The following BCL2L15 variants were observed in gnomAD, a reference collection of about 807,000 sequenced individuals.
The protein encoded by BCL2L15 is BCL2 like 15, also known as bcl-2-like protein 15.
Under a neutral mutation model 18.3 loss-of-function variants are expected in BCL2L15, and 15 were observed. The ratio of observed to expected loss-of-function variants is 0.82; its 90% CI spans 0.55 to 1.26. The LOEUF (loss-of-function observed/expected upper bound fraction) is 1.26. BCL2L15 is among the 50% of genes most tolerant of loss of function. The pLI, the probability that BCL2L15 is intolerant of heterozygous loss-of-function variation, is 0.00. For synonymous variants in BCL2L15, 58 were observed against 68.5 expected (o/e 0.85, Z 0.76); for missense variants, 180 against 201.7 (o/e 0.89, Z 0.65).
At chr1:113,884,781 GT>G (rs546717433) in intron 2 of BCL2L15, among the ~76,000 whole-genome samples, 12 of 146,760 alleles carry the variant, frequency 8.2e-5, no homozygotes, top group Admixed American at 1.4e-4. Context: ...ATTTATTTAT[GT>G]TTTTTTTTTG....
chr1:113,887,113 A>C (rs1055036449), intron 1 of BCL2L15, 136 bp downstream of exon 1: 1 of 751,042 alleles, frequency 1.3e-6, no homozygotes, highest in African/African-American at 1.8e-5. Flanking sequence ...GGCCAGGCGG[A>C]TCTCAAACCC....
At chr1:113,886,420 A>G in intron 2 of BCL2L15, 117 bp downstream of exon 2, 1 of 1,150,286 alleles carries the variant, frequency 8.7e-7, no homozygotes, top group Non-Finnish European at 1.2e-6. Flanking sequence ...CTTGAAATAT[A>G]AGCACCCAAA....
intron 3 of BCL2L15, 163 bp downstream of exon 3, chr1:113,881,610 C>G: frequency 1.4e-6 from 2 of 1,433,662 alleles, no homozygotes; most frequent in Non-Finnish European, 1.8e-6. Context: ...TCTGTCTGCT[C>G]CATTTTTCCA....
In BCL2L15 at chr1:113,880,103, T is replaced by G. The variant is rs1423945640; in HGVS notation, c.*1020A>C. On this transcript the variant is annotated 3_prime_UTR_variant, in exon 4 of 4. Coordinates refer to ENST00000393316, the MANE Select transcript of BCL2L15 (RefSeq NM_001010922.3). ...TTTGTGTTATGCAGCTAGCTTCATCTAAGCTGGGGTGGCCTTGCTGTCCTA... is the reference window on the plus strand; with the variant it reads ...TTTGTGTTATGCAGCTAGCTTCATCGAAGCTGGGGTGGCCTTGCTGTCCTA... 6.6e-6 allele frequency: 1 copy of G among 152,360 alleles called. No homozygotes were observed. Among genetic ancestry groups the G allele is most frequent in the Admixed American group, 6.5e-5 (1 of 15,288 alleles). 9.4% of individuals were successfully genotyped at this position (152,360 alleles called of 1,614,324 possible).
intron 2 of BCL2L15, among the ~76,000 whole-genome samples, chr1:113,886,215 GA>G (rs34346787): frequency 0.69 from 65,439 of 95,280 alleles, 21,221 homozygotes; most frequent in African/African-American, 0.8. Context: ...GACCCTGTCT[GA>G]AAAAAAAAAA....
In BCL2L15 at chr1:113,882,012, A is replaced by T. The variant is rs772506179; in HGVS notation, c.250-15T>A. ...ATAGCTCCTGTCTGAGGAAAGACAA[A>T]GGAAACATCAACAGAGTATCACTCA... On this transcript the variant is annotated splice_polypyrimidine_tract_variant and intron_variant, in intron 2 of 3. Transcript: ENST00000393316. 1 of 1,606,126 alleles carries T rather than the reference A, an allele frequency of 6.2e-7. No homozygotes were observed. Among genetic ancestry groups the T allele is most frequent in the South Asian group, 1.1e-5 (1 of 90,448 alleles).
At position 113,887,580 on chromosome 1, in the gene BCL2L15, C is replaced by A. The variant is rs574085522; in HGVS notation, c.-205G>T. ...TCTCAGAAGGATTACCTACTTGGAA[C>A]TGGGGAGACTTTAAAGACTTTAGGT... On this transcript the variant is annotated 5_prime_UTR_variant, in exon 1 of 4. Transcript: ENST00000393316. 3.9e-5 allele frequency: 22 copies of A among 570,256 alleles called. No individual in the cohort carries two copies. In the East Asian group the frequency reaches 5.0e-4, roughly 13 times the overall value. 35.3% of individuals were successfully genotyped at this position (570,256 alleles called of 1,614,324 possible). A position where few individuals can be genotyped will look rare whatever the true frequency, so the allele number is the denominator to read the frequency against.
At chr1:113,882,150 T>C (rs1247286920) in intron 2 of BCL2L15, among the ~76,000 whole-genome samples, 153 bp from the exon 3 acceptor site, 1 of 152,244 alleles carries the variant, frequency 6.6e-6, no homozygotes, top group Non-Finnish European at 1.5e-5. Context: ...TGAATAATCT[T>C]TTCTCATTTT....
At chr1:113,882,204 T>G (rs188531100) in intron 2 of BCL2L15, among the ~76,000 whole-genome samples, 1 of 152,288 alleles carries the variant, frequency 6.6e-6, no homozygotes, top group African/African-American at 2.4e-5. Context: ...ACATAAGTAG[T>G]CCATCAAACC....
intron 2 of BCL2L15, among the ~76,000 whole-genome samples, 193 bp downstream of exon 2, chr1:113,886,344 A>C (rs1487553788): frequency 2.0e-5 from 3 of 152,190 alleles, no homozygotes; most frequent in Admixed American, 6.5e-5. Flanking sequence ...TCATCAGCCT[A>C]TGCCCAAAAT....
At position 113,887,363 on chromosome 1, in the gene BCL2L15, G is replaced by C. The variant is rs759047386; in HGVS notation, c.13C>G (p.Gln5Glu). Reference sequence around the variant, plus strand: ...CATTCCGTTTGTTCCTCAAAAGTTTGGGAGCTCTTCATTTTAGATGTTTGC... The same window carrying C: ...CATTCCGTTTGTTCCTCAAAAGTTTCGGAGCTCTTCATTTTAGATGTTTGC... MKSS[Q>E]TFEEQTECIV... Residue 5 changes from glutamine to glutamate, a missense_variant, in exon 1 of 4, where the codon CAA (glutamine) becomes GAA (glutamate). Transcript: ENST00000393316. 1.2e-6 allele frequency: 2 copies of C among 1,613,958 alleles called. No homozygotes were observed. Among genetic ancestry groups the C allele is most frequent in the African/African-American group, 2.7e-5 (2 of 74,920 alleles).
At chr1:113,882,282 A>T (rs1437108591) in intron 2 of BCL2L15, among the ~76,000 whole-genome samples, 1 of 152,214 alleles carries the variant, frequency 6.6e-6, no homozygotes, top group African/African-American at 2.4e-5. Flanking sequence ...GAAAAATATT[A>T]AGTATGTGAT....
rs1007781546 is a variant in BCL2L15 at position 113,881,717 on chromosome 1, A to G, written c.474+56T>C. The G allele has an allele frequency of 1.9e-6, 3 of 1,542,978 alleles. No homozygotes were observed. The African/African-American group carries it at 4.1e-5, about 21-fold the overall frequency. On this transcript the variant is annotated intron_variant, in intron 3 of 3. Coordinates refer to ENST00000393316, the MANE Select transcript of BCL2L15 (RefSeq NM_001010922.3). ...AGGGTCATGAATTGGAATCCCAGGT[A>G]TTAGTACAAAAACAGTGCAAATACC...
rs1666844594 is a variant in BCL2L15 at position 113,880,477 on chromosome 1, T to G, written c.*646A>C. ...TCATCTCTACTAAAAATACAAAAAA[T>G]TAGCCGGGCGTGATGGCGGGCTCCT... On this transcript the variant is annotated 3_prime_UTR_variant, in exon 4 of 4. Coordinates refer to ENST00000393316, the MANE Select transcript of BCL2L15 (RefSeq NM_001010922.3). The G allele has an allele frequency of 1.3e-5, 2 of 152,122 alleles. No homozygotes were observed. Among genetic ancestry groups the G allele is most frequent in the Non-Finnish European group, 2.9e-5 (2 of 68,110 alleles). 9.4% of individuals were successfully genotyped at this position (152,122 alleles called of 1,614,324 possible).
intron 2 of BCL2L15, among the ~76,000 whole-genome samples, chr1:113,885,769 G>A (rs767775806): frequency 1.2e-4 from 19 of 152,186 alleles, no homozygotes; most frequent in African/African-American, 3.4e-4. Flanking sequence ...TGGGCCAGGC[G>A]CGGTGGCTCA....
intron 2 of BCL2L15, among the ~76,000 whole-genome samples, chr1:113,882,665 G>A (rs1219695138): frequency 6.6e-6 from 1 of 151,782 alleles, no homozygotes; most frequent in Non-Finnish European, 1.5e-5. Flanking sequence ...AAGACCGAAT[G>A]CAGTGGTTCA....
At chr1:113,881,217 CA>C in intron 3 of BCL2L15, 77 bp from the exon 4 acceptor site, 1 of 1,599,456 alleles carries the variant, frequency 6.3e-7, no homozygotes. Context: ...AAATGATCTG[CA>C]GATAGCTCCA....
chr1:113,886,738 T>A (rs1667048135), intron 1 of BCL2L15, 80 bp from the exon 2 acceptor site: 1 of 1,394,562 alleles, frequency 7.2e-7, no homozygotes, highest in African/African-American at 1.4e-5. Context: ...GAAAAATTTG[T>A]CTTGTCTTTT....
In BCL2L15 at chr1:113,879,753, CT is replaced by C; in HGVS notation, c.*1369del. The C allele has an allele frequency of 6.6e-6, 1 of 152,304 alleles. No individual in the cohort carries two copies. Among genetic ancestry groups the C allele is most frequent in the East Asian group, 1.9e-4 (1 of 5,188 alleles). The allele number at this position is 152,304 out of a possible 1,614,324, so 9.4% of individuals were successfully genotyped here. Reference sequence around the variant, plus strand: ...TTTTGGACTTAACCAGCCATATGGTCTTCTATAATCATTCAACTCTGCCATT... The same window carrying C: ...TTTTGGACTTAACCAGCCATATGGTCTCTATAATCATTCAACTCTGCCATT... On this transcript the variant is annotated 3_prime_UTR_variant, in exon 4 of 4. Coordinates refer to ENST00000393316, the MANE Select transcript of BCL2L15 (RefSeq NM_001010922.3).
Sources: allele counts gnomAD v4.1 joint callset (sites outside exome capture counted in the v4.1 genomes callset), GRCh38; gene constraint gnomAD v4.1.1; transcripts MANE v1.5; gene names NCBI Gene and HGNC (gene_info 2026-07-23, HGNC 2026-07-21).